EXTL3: variants seen among roughly 807,000 people sequenced by gnomAD.
EXTL3 encodes exostosin like glycosyltransferase 3.
EXTL3 carries 27 observed loss-of-function variants against 69.3 expected under a neutral mutation model. The observed-to-expected ratio is 0.39, with a 90% CI of 0.29 to 0.54. EXTL3 has a LOEUF of 0.54. Among genes scored for constraint, EXTL3 ranks in the 20% least tolerant of loss-of-function variants. EXTL3 has a pLI of 0.69. For synonymous variants in EXTL3, 511 were observed against 499.4 expected (o/e 1.02, Z -0.31); for missense variants, 1,003 against 1,231.8 (o/e 0.81, Z 2.78).
At chr8:28,671,367 A>G (rs1287086349) in intron 1 of EXTL3, among the ~76,000 whole-genome samples, 1 of 135,276 alleles carries the variant, frequency 7.4e-6, no homozygotes, top group Non-Finnish European at 1.5e-5. Context: ...GCTGGAGTGC[A>G]GTGTCACGAT....
intron 1 of EXTL3, among the ~76,000 whole-genome samples, chr8:28,664,749 T>C (rs1017960756): frequency 3.9e-5 from 6 of 152,196 alleles, no homozygotes; most frequent in African/African-American, 1.4e-4. Context: ...CTTTCCTTTT[T>C]ATATACATCT....
intron 2 of EXTL3, among the ~76,000 whole-genome samples, chr8:28,714,259 T>A (rs543335500): frequency 7.9e-5 from 12 of 152,292 alleles, no homozygotes; most frequent in East Asian, 7.7e-4. Flanking sequence ...CAGATTAAAA[T>A]TTAATGTCCA....
intron 3 of EXTL3, among the ~76,000 whole-genome samples, chr8:28,719,448 C>A (rs572736269): frequency 6.6e-6 from 1 of 152,302 alleles, no homozygotes; most frequent in South Asian, 2.1e-4. Flanking sequence ...CTTCTTGTAT[C>A]CTCTCTACAT....
intron 1 of EXTL3, among the ~76,000 whole-genome samples, chr8:28,709,870 GCA>G (rs1160048959): frequency 6.6e-6 from 1 of 152,144 alleles, no homozygotes; most frequent in Non-Finnish European, 1.5e-5. Flanking sequence ...ACCAGCACGT[GCA>G]CAGTTCTGGA....
At chr8:28,722,188 G>A (rs1585279038) in intron 3 of EXTL3, among the ~76,000 whole-genome samples, 1 of 152,220 alleles carries the variant, frequency 6.6e-6, no homozygotes, top group Non-Finnish European at 1.5e-5. Flanking sequence ...CGCGTTTGAA[G>A]GAGGTTGGAG....
At chr8:28,699,951 G>A (rs1445192716), upstream of EXTL3, 1 of 152,092 alleles carries the variant, frequency 6.6e-6, no homozygotes, top group Non-Finnish European at 1.5e-5. Flanking sequence ...AGGCCTGGTA[G>A]TTCTTCCCTG....
At chr8:28,615,577 T>C (rs183865210) in intron 2 of EXTL3, among the ~76,000 whole-genome samples, 1 of 152,304 alleles carries the variant, frequency 6.6e-6, no homozygotes, top group Admixed American at 6.5e-5. Context: ...TTTTCTTTTT[T>C]CTTTTTTTGA....
chr8:28,629,411 A>AGTTC, intron 1 of EXTL3, among the ~76,000 whole-genome samples: 1 of 152,098 alleles, frequency 6.6e-6, no homozygotes, highest in African/African-American at 2.4e-5. Context: ...AGAGTGAGTT[A>AGTTC]GTTCATTCAT....
intron 1 of EXTL3, among the ~76,000 whole-genome samples, chr8:28,641,057 G>A (rs537883981): frequency 2.0e-5 from 3 of 152,256 alleles, no homozygotes; most frequent in Admixed American, 1.3e-4. Flanking sequence ...TCACTCCCAG[G>A]TCTGTAGACG....
chr8:28,632,212 G>A (rs1806580473), intron 1 of EXTL3, among the ~76,000 whole-genome samples: 1 of 151,408 alleles, frequency 6.6e-6, no homozygotes, highest in Non-Finnish European at 1.5e-5. Flanking sequence ...TTCAAGACCA[G>A]CCTGACCAAC....
downstream of EXTL3, among the ~76,000 whole-genome samples, chr8:28,756,217 A>G (rs1312088230): frequency 1.3e-5 from 2 of 152,228 alleles, no homozygotes; most frequent in African/African-American, 4.8e-5. Context: ...CTATCAACCC[A>G]GAAAGTCCCC....
At chr8:28,684,016 G>T (rs994425293) in intron 1 of EXTL3, among the ~76,000 whole-genome samples, 3 of 151,920 alleles carry the variant, frequency 2.0e-5, no homozygotes, top group South Asian at 2.1e-4. Flanking sequence ...CCACAAATAC[G>T]TGAGACCGTG....
At chr8:28,667,306 T>C (rs1167550478) in intron 1 of EXTL3, among the ~76,000 whole-genome samples, 3 of 151,738 alleles carry the variant, frequency 2.0e-5, no homozygotes, top group African/African-American at 7.3e-5. Context: ...GTAACAAGGG[T>C]GGGGGATTCT....
In EXTL3 at chr8:28,636,236, G is replaced by A. The variant is rs547549312; in HGVS notation, c.-53+13426G>A. 2.0e-5 allele frequency among the ~76,000 whole-genome samples: 3 copies of A among 151,602 alleles called. No homozygotes were observed. The East Asian group carries it at 5.8e-4, about 30-fold the overall frequency. ...AGTCCCAGCTGCTTGGGTGGCTGAG[G>A]CAGGAGAATTGCCTGAACCCAGGAG... On this transcript the variant is annotated intron_variant, in intron 1 of 6. Transcript: ENST00000523149.
chr8:28,717,750 A>C lies in EXTL3; in HGVS notation c.1691A>C (p.Asp564Ala). The change falls in exon 3 of 7, where the codon GAC becomes GCC. Residue 564 changes from aspartate to alanine, a missense_variant. Transcript: ENST00000220562. This position sits in a 1 kb window ranked among gnomAD's most constrained non-coding sequence, Gnocchi z 8.3. ...CGTTCAGGCAAGGCGGCTGGAACTGACCCCAACATGGCTGACAACGGGGAC... is the reference window on the plus strand; with the variant it reads ...CGTTCAGGCAAGGCGGCTGGAACTGCCCCCAACATGGCTGACAACGGGGAC... ...PHRSGKAAGT[D>A]PNMADNGDLD... 1.9e-6 allele frequency: 3 copies of C among 1,614,162 alleles called. No individual in the cohort carries two copies. The highest frequency in any genetic ancestry group is 2.5e-6 in the Non-Finnish European group (3 of 1,180,008).
At chr8:28,720,067 T>A (rs1801263611) in intron 3 of EXTL3, among the ~76,000 whole-genome samples, 1 of 152,184 alleles carries the variant, frequency 6.6e-6, no homozygotes, top group Non-Finnish European at 1.5e-5. Context: ...GGAAATAGCT[T>A]CAGATGGAGA....
intron 1 of EXTL3, among the ~76,000 whole-genome samples, chr8:28,673,009 G>A (rs564925955): frequency 1.1e-4 from 17 of 152,332 alleles, no homozygotes; most frequent in African/African-American, 3.8e-4. Flanking sequence ...CATGTAAGAT[G>A]TGCCTTTAGC....
At position 28,710,308 on chromosome 8, in the gene EXTL3, G is replaced by C. The variant is rs538138641; in HGVS notation, c.-569-3149G>C. 7 of 344,612 alleles carry C rather than the reference G, an allele frequency of 2.0e-5. No individual in the cohort carries two copies. The East Asian group carries it at 5.8e-4, about 29-fold the overall frequency. 21.3% of individuals were successfully genotyped at this position (344,612 alleles called of 1,614,324 possible). The stretch of plus-strand genomic sequence containing the variant: ...GGGGCTAAGCGAAGCTCATTGGCAA[G>C]CTCTGGGAGGTGAAGGCAGAAAAGA... On this transcript the variant is annotated intron_variant, in intron 1 of 6. Transcript: ENST00000220562.
In EXTL3 at chr8:28,737,531, A is replaced by C; in HGVS notation, c.2289A>C (p.Glu763Asp). The C allele has an allele frequency of 6.2e-6, 10 of 1,614,012 alleles. No individual in the cohort carries two copies. The highest frequency in any genetic ancestry group is 7.6e-6 in the Non-Finnish European group (9 of 1,179,872). ...EIMFGFRVWR[E>D]ARDRIVGFPG... The stretch of plus-strand genomic sequence containing the variant: ...TGTGTTTTTCAAGGGTGTGGAGAGA[A>C]GCTCGGGACCGCATCGTGGGCTTCC... Residue 763 changes from glutamate to aspartate, a missense_variant, in exon 5 of 7, where the codon GAA becomes GAC. Glu to Asp is a conservative substitution (Grantham distance 45). This residue lies in a region of EXTL3 where 261 missense variants were observed against 416.4 expected (regional missense o/e 0.63). Transcript: ENST00000220562.
Sources: gnomAD v4.1 joint callset for allele counts (sites outside exome capture counted in the v4.1 genomes callset) on GRCh38, gnomAD v4.1.1 for gene constraint, gnomAD v4.1.1 regional missense constraint, Gnocchi (gnomAD v3.1) non-coding constraint, MANE v1.5 for transcripts, NCBI Gene and HGNC (gene_info 2026-07-23, HGNC 2026-07-21) for gene names.